ANKDD1A: variants seen among roughly 807,000 people sequenced by gnomAD.
ANKDD1A encodes ankyrin repeat and death domain containing 1A.
Under a neutral mutation model 63.5 loss-of-function variants are expected in ANKDD1A, and 59 were observed. The ratio of observed to expected loss-of-function variants is 0.93; its 90% CI spans 0.75 to 1.15. ANKDD1A has a LOEUF of 1.15. Among genes scored for constraint, ANKDD1A ranks in the 50% most tolerant of loss-of-function variants. The probability of loss-of-function intolerance (pLI) is 0.00; values close to 1 mark genes in which losing one functional copy is unlikely to be tolerated. For synonymous variants in ANKDD1A, 266 were observed against 263.9 expected (o/e 1.01, Z -0.08); for missense variants, 632 against 656.4 (o/e 0.96, Z 0.41).
At chr15:64,921,835 A>G in intron 3 of ANKDD1A, 86 bp from the exon 4 acceptor site, 6 of 1,139,498 alleles carry the variant, frequency 5.3e-6, no homozygotes, top group Non-Finnish European at 7.9e-6. Context: ...TTCTGGTTGT[A>G]TGGTTTAGTC....
chr15:64,951,727 C>CTTT (rs1437556850), intron 14 of ANKDD1A, among the ~76,000 whole-genome samples: 38 of 138,126 alleles, frequency 2.8e-4, no homozygotes, highest in Admixed American at 5.8e-4. Context: ...CTTCCCTTTT[C>CTTT]TTCTTTCCTC....
intron 13 of ANKDD1A, among the ~76,000 whole-genome samples, chr15:64,949,086 C>A (rs185509429): frequency 6.6e-6 from 1 of 152,248 alleles, no homozygotes; most frequent in Admixed American, 6.5e-5. Context: ...AAGAGGGGCA[C>A]GGAAGGTCAG....
chr15:64,943,002 T>A (rs1232942231), intron 10 of ANKDD1A, among the ~76,000 whole-genome samples: 1 of 152,250 alleles, frequency 6.6e-6, no homozygotes, highest in Non-Finnish European at 1.5e-5. Context: ...AGCAAGGGCA[T>A]GGCTCACAGA....
intron 3 of ANKDD1A, 34 bp from the exon 4 acceptor site, chr15:64,921,887 A>G: frequency 6.2e-7 from 1 of 1,601,888 alleles, no homozygotes; most frequent in Non-Finnish European, 8.6e-7. Flanking sequence ...GCCTTCCCAC[A>G]TTCTTCTCAC....
At position 64,911,972 on chromosome 15, in the gene ANKDD1A, T is replaced by A; in HGVS notation, c.34+8T>A. Reference sequence around the variant, plus strand: ...CGTGGGAGACCGACGGCCGTGAGTCTGCCTGGAGGAGGGAGGGGGGCGGGC... The same window carrying A: ...CGTGGGAGACCGACGGCCGTGAGTCAGCCTGGAGGAGGGAGGGGGGCGGGC... On this transcript the variant is annotated splice_region_variant and intron_variant, in intron 1 of 14. Transcript: ENST00000319580. The A allele has an allele frequency of 2.1e-6, 1 of 484,644 alleles. No individual in the cohort carries two copies. The highest frequency in any genetic ancestry group is 2.8e-6 in the Non-Finnish European group (1 of 351,058). 30.0% of individuals were successfully genotyped at this position (484,644 alleles called of 1,614,324 possible).
intron 14 of ANKDD1A, among the ~76,000 whole-genome samples, chr15:64,952,529 T>TCCTTC (rs1595859336): frequency 0.011 from 443 of 41,642 alleles, 2 homozygotes; most frequent in African/African-American, 0.029. Context: ...TCTTCCTTCG[T>TCCTTC]CTTCTTCTCC....
chr15:64,919,509 A>C (rs2084993627), intron 3 of ANKDD1A, among the ~76,000 whole-genome samples: 1 of 152,162 alleles, frequency 6.6e-6, no homozygotes, highest in South Asian at 2.1e-4. Flanking sequence ...CCCTCATTTG[A>C]GGCTCTATGC....
At chr15:64,946,383 A>C (rs1349577319) in intron 12 of ANKDD1A, among the ~76,000 whole-genome samples, 1 of 152,252 alleles carries the variant, frequency 6.6e-6, no homozygotes, top group Non-Finnish European at 1.5e-5. Context: ...TTCAGTAGGA[A>C]TCATAAGATG....
In ANKDD1A at chr15:64,922,024, G is replaced by A. The variant is rs1375539125; in HGVS notation, c.366+5G>A. The A allele has an allele frequency of 1.2e-6, 2 of 1,613,686 alleles. No individual in the cohort carries two copies. Among genetic ancestry groups the A allele is most frequent in the Non-Finnish European group, 1.7e-6 (2 of 1,179,662 alleles). On this transcript the variant is annotated splice_donor_5th_base_variant and intron_variant, in intron 4 of 14. Coordinates refer to ENST00000319580, the MANE Select transcript of ANKDD1A (RefSeq NM_182703.6). ...AAGATCCACTGTGAGAGCAAGGTAA[G>A]GCCTCAGCTGGTAGACCCCTGTCCC...
intron 10 of ANKDD1A, among the ~76,000 whole-genome samples, chr15:64,943,020 G>C (rs2085196515): frequency 6.6e-6 from 1 of 152,170 alleles, no homozygotes; most frequent in African/African-American, 2.4e-5. Context: ...AGAGCCACTG[G>C]GAGCTGAAAG....
intron 13 of ANKDD1A, among the ~76,000 whole-genome samples, chr15:64,948,333 A>G (rs1014229456): frequency 6.6e-6 from 1 of 152,216 alleles, no homozygotes; most frequent in Admixed American, 6.5e-5. Context: ...TCATATAAAT[A>G]TCAGTTTTTC....
At chr15:64,931,219 G>T (rs1040013286) in intron 7 of ANKDD1A, among the ~76,000 whole-genome samples, 4 of 152,196 alleles carry the variant, frequency 2.6e-5, no homozygotes, top group African/African-American at 9.6e-5. Context: ...GAGGGGAGGG[G>T]CTGAGACAGC....
chr15:64,944,110 G>A (rs1028122336), intron 11 of ANKDD1A, among the ~76,000 whole-genome samples: 27 of 152,202 alleles, frequency 1.8e-4, no homozygotes, highest in African/African-American at 6.0e-4. Context: ...GAGCTGGGGG[G>A]CAGGATCAGA....
At chr15:64,939,335 C>T (rs1167979670) in intron 9 of ANKDD1A, among the ~76,000 whole-genome samples, 2 of 152,028 alleles carry the variant, frequency 1.3e-5, no homozygotes, top group South Asian at 2.1e-4. Context: ...TTAAAAACTG[C>T]AGAATAGGCC....
At chr15:64,925,989 G>A in intron 4 of ANKDD1A, 77 bp from the exon 5 acceptor site, 7 of 1,320,694 alleles carry the variant, frequency 5.3e-6, no homozygotes, top group African/African-American at 1.5e-5. Context: ...CCAAACACTC[G>A]CTGTTTGGGA....
At chr15:64,949,569 G>A (rs534184572) in intron 13 of ANKDD1A, among the ~76,000 whole-genome samples, 1 of 152,352 alleles carries the variant, frequency 6.6e-6, no homozygotes, top group South Asian at 2.1e-4. Flanking sequence ...AGAGTGCATA[G>A]TGGGTGTTCA....
At chr15:64,917,673 T>C (rs1424181330) in intron 3 of ANKDD1A, among the ~76,000 whole-genome samples, 159 bp downstream of exon 3, 2 of 152,128 alleles carry the variant, frequency 1.3e-5, no homozygotes, top group Non-Finnish European at 2.9e-5. Context: ...CTGCACTGAT[T>C]CTGTTTTACT....
intron 7 of ANKDD1A, 67 bp downstream of exon 7, chr15:64,930,987 C>T (rs2085086256): frequency 2.0e-6 from 3 of 1,515,148 alleles, no homozygotes; most frequent in African/African-American, 2.7e-5. Context: ...GAGGAACCCC[C>T]ACCAGTCCAT....
Position 64,931,490 on chromosome 15 carries a change from G to A in ANKDD1A, c.673G>A (p.Gly225Ser). Residue 225 changes from glycine to serine, a missense_variant, in exon 8 of 15, where the codon GGT (glycine) becomes AGT (serine). Gly to Ser is a moderately conservative substitution (Grantham distance 56). Coordinates refer to ENST00000319580, the MANE Select transcript of ANKDD1A (RefSeq NM_182703.6). ...TTGCTCTTCTTGTGTGTTGCAGGAA[G>A]GTCTGACTGCCCTGCATTCGGCTGC... The part of the protein sequence containing the change: ...GLDLEEQNAE[G>S]LTALHSAAGG... 6.2e-7 allele frequency: 1 copy of A among 1,613,608 alleles called. No individual in the cohort carries two copies. The highest frequency in any genetic ancestry group is 8.5e-7 in the Non-Finnish European group (1 of 1,179,808).
Sources: allele counts gnomAD v4.1 joint callset (sites outside exome capture counted in the v4.1 genomes callset), GRCh38; gene constraint gnomAD v4.1.1; transcripts MANE v1.5; gene names NCBI Gene and HGNC (gene_info 2026-07-23, HGNC 2026-07-21).